Variants in ANKS1B observed in about 807,000 individuals in gnomAD.
ANKS1B encodes the protein ankyrin repeat and sterile alpha motif domain-containing protein 1B.
Under a neutral mutation model 148.3 loss-of-function variants are expected in ANKS1B, and 36 were observed. That is an observed-to-expected ratio of 0.24 (90% confidence interval 0.19 to 0.32). The LOEUF (loss-of-function observed/expected upper bound fraction) is 0.32. ANKS1B is among the 10% of genes least tolerant of loss of function. The probability of loss-of-function intolerance (pLI) is 1.00; values close to 1 mark genes in which losing one functional copy is unlikely to be tolerated. For missense variants in ANKS1B, 1,157 were observed against 1,542.6 expected, an observed-to-expected ratio of 0.75 and a Z score of 4.19; for synonymous variants, 542 against 560.8, an observed-to-expected ratio of 0.97 and a Z score of 0.47.
intron 17 of ANKS1B, among the ~76,000 whole-genome samples, chr12:98,881,927 G>T (rs2099709065): frequency 6.6e-6 from 1 of 152,060 alleles, no homozygotes; most frequent in South Asian, 2.1e-4. Flanking sequence ...ATATGAAGAA[G>T]CACTGAAGCA....
At chr12:99,584,515 T>C (rs997656962) in intron 9 of ANKS1B, among the ~76,000 whole-genome samples, 1 of 152,120 alleles carries the variant, frequency 6.6e-6, no homozygotes. Flanking sequence ...AAGGATTGTT[T>C]GAGCCCAGGA....
intron 8 of ANKS1B, among the ~76,000 whole-genome samples, chr12:99,746,907 G>A (rs767272239): frequency 7.2e-5 from 11 of 152,038 alleles, no homozygotes; most frequent in African/African-American, 1.2e-4. Context: ...CTCACCCTCA[G>A]ACTCTCTCTA....
intron 8 of ANKS1B, among the ~76,000 whole-genome samples, chr12:99,744,576 T>G (rs1369658430): frequency 6.6e-6 from 1 of 152,182 alleles, no homozygotes; most frequent in Non-Finnish European, 1.5e-5. Context: ...GCTTAGTTCC[T>G]CTTTCTTCAG....
At chr12:99,778,126 GGA>G in intron 6 of ANKS1B, among the ~76,000 whole-genome samples, 1 of 152,018 alleles carries the variant, frequency 6.6e-6, no homozygotes, top group East Asian at 2.0e-4. Flanking sequence ...TGTGAACCGG[GGA>G]GGCAGAGCTT....
At chr12:99,543,376 T>C (rs1596675042) in intron 9 of ANKS1B, among the ~76,000 whole-genome samples, 1 of 152,268 alleles carries the variant, frequency 6.6e-6, no homozygotes, top group African/African-American at 2.4e-5. Flanking sequence ...CTGGTGGTAT[T>C]GTAAAATAGT....
At chr12:99,906,920 A>G (rs1405435877) in intron 1 of ANKS1B, among the ~76,000 whole-genome samples, 1 of 152,220 alleles carries the variant, frequency 6.6e-6, no homozygotes, top group Non-Finnish European at 1.5e-5. Flanking sequence ...ACAAATAACC[A>G]CAAGAGAATG....
At position 99,590,809 on chromosome 12, in the gene ANKS1B, T is replaced by C. The variant is rs116723852; in HGVS notation, c.1272+64258A>G. Among the ~76,000 whole-genome samples, 572 of 152,296 alleles carry C rather than the reference T, an allele frequency of 3.8e-3. 6 individuals are homozygous for C. Among genetic ancestry groups the C allele is most frequent in the African/African-American group, 0.013 (553 of 41,562 alleles). Reference sequence around the variant, plus strand: ...AGGCAATTTCTTTTTCAAATTTACTTCAGTGAAGGCGTATTTTTGTGTCCA... The same window carrying C: ...AGGCAATTTCTTTTTCAAATTTACTCCAGTGAAGGCGTATTTTTGTGTCCA... On this transcript the variant is annotated intron_variant, in intron 9 of 26. Transcript: ENST00000683438.
rs181586996 is a variant in ANKS1B, at chr12:99,963,112, C to T, written c.134+20992G>A. On this transcript the variant is annotated intron_variant, in intron 1 of 26. Transcript: ENST00000683438. ...ACAGGCGTGAGCCACTGTGCCCGGC[C>T]GATGTTGAGCTTTTTTACCCGTGTG... Among the ~76,000 whole-genome samples, 170 of 152,172 alleles carry T rather than the reference C, an allele frequency of 1.1e-3. 1 individual carries two copies. The highest frequency in any genetic ancestry group is 3.5e-3 in the African/African-American group (146 of 41,530).
At chr12:99,980,590 C>T (rs1381507017) in intron 1 of ANKS1B, among the ~76,000 whole-genome samples, 3 of 151,962 alleles carry the variant, frequency 2.0e-5, no homozygotes, top group Non-Finnish European at 4.4e-5. Flanking sequence ...TTCTAGTCAC[C>T]ATACTTTAAG....
At chr12:99,005,120 T>G (rs1189416318) in intron 17 of ANKS1B, among the ~76,000 whole-genome samples, 1 of 152,170 alleles carries the variant, frequency 6.6e-6, no homozygotes, top group African/African-American at 2.4e-5. Context: ...GGAGAGCCTG[T>G]AGAAGAGAGG....
intron 14 of ANKS1B, among the ~76,000 whole-genome samples, chr12:99,185,256 G>A (rs2079664668): frequency 6.6e-6 from 1 of 152,204 alleles, no homozygotes. Context: ...CAAAAATTAT[G>A]TATGAGAGGC....
intron 11 of ANKS1B, among the ~76,000 whole-genome samples, chr12:99,435,405 G>A (rs920991288): frequency 2.0e-5 from 3 of 152,148 alleles, no homozygotes; most frequent in East Asian, 3.9e-4. Context: ...ACTTTAAAAG[G>A]TTCCCAAATA....
At chr12:99,463,353 C>T (rs1490411070) in intron 10 of ANKS1B, among the ~76,000 whole-genome samples, 1 of 152,212 alleles carries the variant, frequency 6.6e-6, no homozygotes, top group Non-Finnish European at 1.5e-5. Context: ...CAGCTCCCAG[C>T]ATGAGTGACG....
At chr12:99,280,164 GTGTGTGTATGTGTGTGTGTGTACGTGCA>G (rs2078212316) in intron 12 of ANKS1B, among the ~76,000 whole-genome samples, 1 of 149,174 alleles carries the variant, frequency 6.7e-6, no homozygotes, top group Non-Finnish European at 1.5e-5. Flanking sequence ...GTCTGTGTGT[GTGTGTGTATGTGTGTGTGTGTACGTGCA>G]TGTGTGTGTG....
intron 10 of ANKS1B, among the ~76,000 whole-genome samples, chr12:99,468,983 A>G (rs2096187763): frequency 6.6e-6 from 1 of 152,110 alleles, no homozygotes; most frequent in Non-Finnish European, 1.5e-5. Context: ...ATAAAGACAC[A>G]TGCACACGTA....
intron 10 of ANKS1B, among the ~76,000 whole-genome samples, chr12:99,457,253 G>A (rs1466978928): frequency 1.3e-5 from 2 of 151,844 alleles, no homozygotes; most frequent in Non-Finnish European, 2.9e-5. Context: ...GCTAAAAGGA[G>A]CTCTAAATTT....
intron 14 of ANKS1B, among the ~76,000 whole-genome samples, chr12:99,236,021 C>T (rs969391276): frequency 4.6e-5 from 7 of 152,350 alleles, no homozygotes; most frequent in African/African-American, 1.7e-4. Flanking sequence ...TTGTTGAGCT[C>T]TGCCTCCAGA....
chr12:99,883,319 A>C (rs1420215018), intron 1 of ANKS1B, among the ~76,000 whole-genome samples: 1 of 150,978 alleles, frequency 6.6e-6, no homozygotes, highest in African/African-American at 2.4e-5. Flanking sequence ...GTTGGAACAA[A>C]TGGACGTTTC....
chr12:99,851,326 C>CA (rs1240885852), intron 1 of ANKS1B, among the ~76,000 whole-genome samples: 2 of 152,092 alleles, frequency 1.3e-5, no homozygotes, highest in African/African-American at 2.4e-5. Flanking sequence ...CATACTCCCT[C>CA]ATTCCCTCCA....
Sources: gnomAD v4.1 joint callset for allele counts (sites outside exome capture counted in the v4.1 genomes callset) on GRCh38, gnomAD v4.1.1 for gene constraint, MANE v1.5 for transcripts, NCBI Gene and HGNC (gene_info 2026-07-23, HGNC 2026-07-21) for gene names.